The following RALYL variants were observed in gnomAD, a reference collection of about 807,000 sequenced individuals.
RALYL encodes RNA-binding Raly-like protein.
In RALYL, 29 loss-of-function variants were observed where a neutral mutation model predicts 35.1. The ratio of observed to expected loss-of-function variants is 0.83; its 90% CI spans 0.61 to 1.13. RALYL has a LOEUF of 1.13. RALYL is among the 50% of genes most tolerant of loss of function. RALYL has a pLI of 0.00. For synonymous variants in RALYL, 120 were observed against 127.6 expected (o/e 0.94, Z 0.40); for missense variants, 359 against 360.4 (o/e 1.00, Z 0.03).
chr8:84,523,622 A>G (rs1490326963), intron 1 of RALYL, among the ~76,000 whole-genome samples: 19 of 149,322 alleles, frequency 1.3e-4, no homozygotes, highest in African/African-American at 4.4e-4. Context: ...CCACTAACTC[A>G]TCATCTAGCA....
chr8:84,651,214 A>T (rs2131525858), intron 2 of RALYL, among the ~76,000 whole-genome samples: 1 of 152,106 alleles, frequency 6.6e-6, no homozygotes, highest in East Asian at 1.9e-4. Context: ...TAAAACTTAA[A>T]GTATAATAAT....
intron 2 of RALYL, among the ~76,000 whole-genome samples, chr8:84,627,284 CATG>C (rs1041629272): frequency 2.5e-4 from 38 of 151,028 alleles, no homozygotes; most frequent in African/African-American, 9.3e-4. Flanking sequence ...TCTCTTAGAC[CATG>C]ATAATTTTCC....
intron 1 of RALYL, among the ~76,000 whole-genome samples, chr8:84,460,606 G>A (rs1373056193): frequency 6.6e-6 from 1 of 151,604 alleles, no homozygotes; most frequent in Non-Finnish European, 1.5e-5. Context: ...AGGGGGAAAA[G>A]CCTATATATG....
chr8:84,445,402 A>G (rs2048745752), intron 1 of RALYL, among the ~76,000 whole-genome samples: 1 of 151,998 alleles, frequency 6.6e-6, no homozygotes, highest in African/African-American at 2.4e-5. Flanking sequence ...TTAGAAGGAT[A>G]TCTAATATAT....
intron 2 of RALYL, among the ~76,000 whole-genome samples, chr8:84,661,010 G>A (rs1004860169): frequency 6.6e-6 from 1 of 151,818 alleles, no homozygotes; most frequent in Non-Finnish European, 1.5e-5. Context: ...CTCACTGCAA[G>A]CTCTGCCTCC....
chr8:84,357,269 A>G (rs570337937), intron 1 of RALYL, among the ~76,000 whole-genome samples: 1 of 152,216 alleles, frequency 6.6e-6, no homozygotes, highest in African/African-American at 2.4e-5. Flanking sequence ...TATAATTTAC[A>G]TACTATACAT....
intron 3 of RALYL, among the ~76,000 whole-genome samples, chr8:84,782,686 C>A (rs75787070): frequency 6.6e-6 from 1 of 152,124 alleles, no homozygotes; most frequent in Non-Finnish European, 1.5e-5. Flanking sequence ...TGGGGTATTG[C>A]GGTTAGAGCA....
chr8:84,700,282 A>G (rs1418725572), intron 2 of RALYL, among the ~76,000 whole-genome samples: 2 of 152,156 alleles, frequency 1.3e-5, no homozygotes, highest in Non-Finnish European at 2.9e-5. Flanking sequence ...AAGGATAAAC[A>G]TTTTAACTGT....
intron 1 of RALYL, among the ~76,000 whole-genome samples, chr8:84,392,528 A>T (rs1463745597): frequency 6.6e-6 from 1 of 152,090 alleles, no homozygotes; most frequent in Admixed American, 6.6e-5. Context: ...TAAAATATTT[A>T]AAAATACATC....
intron 1 of RALYL, among the ~76,000 whole-genome samples, chr8:84,339,955 C>A (rs1848493993): frequency 6.6e-6 from 1 of 152,046 alleles, no homozygotes; most frequent in Non-Finnish European, 1.5e-5. Context: ...GGGAGGGACC[C>A]AATGGAAGGT....
At chr8:84,345,581 A>C (rs1005315245) in intron 1 of RALYL, among the ~76,000 whole-genome samples, 1 of 152,068 alleles carries the variant, frequency 6.6e-6, no homozygotes, top group Non-Finnish European at 1.5e-5. Context: ...CTTCAAAAGA[A>C]AATCTAAACT....
intron 1 of RALYL, among the ~76,000 whole-genome samples, chr8:84,335,949 A>T (rs919485897): frequency 1.3e-5 from 2 of 152,082 alleles, no homozygotes; most frequent in Non-Finnish European, 2.9e-5. Flanking sequence ...GAGAAAAACA[A>T]ATGAAGAAAA....
chr8:84,553,322 C>T (rs370357011), intron 2 of RALYL, among the ~76,000 whole-genome samples: 9 of 152,278 alleles, frequency 5.9e-5, no homozygotes, highest in African/African-American at 2.2e-4. Context: ...CTGCCATGCC[C>T]AGATAATTTT....
At chr8:84,734,206 T>C (rs549911454) in intron 2 of RALYL, among the ~76,000 whole-genome samples, 170 of 152,296 alleles carry the variant, frequency 1.1e-3, no homozygotes, top group African/African-American at 4.0e-3. Context: ...TTTCTATTCC[T>C]GTTGTGCATA....
At chr8:84,267,262 TC>T (rs1833509505) in intron 1 of RALYL, among the ~76,000 whole-genome samples, 1 of 152,156 alleles carries the variant, frequency 6.6e-6, no homozygotes, top group Admixed American at 6.5e-5. Context: ...TTCCTGAGAA[TC>T]CCTCAAAATA....
chr8:84,614,947 T>G lies in RALYL; in HGVS notation c.256+85370T>G, dbSNP rs1237838298. Among the ~76,000 whole-genome samples, 3 of 151,760 alleles carry G rather than the reference T, an allele frequency of 2.0e-5. No homozygotes were observed. In the East Asian group the frequency reaches 5.8e-4, roughly 29 times the overall value. ...TTACGACCTCAATAAAATATCTTCC[T>G]GAAACCTGCCCTTGAGGAATGATGG... is the stretch of plus-strand genomic sequence containing the variant. On this transcript the variant is annotated intron_variant, in intron 2 of 8. Coordinates refer to ENST00000521268, the MANE Select transcript of RALYL (RefSeq NM_173848.7).
At chr8:84,902,345 G>T (rs1180066451) in intron 8 of RALYL, among the ~76,000 whole-genome samples, 1 of 152,152 alleles carries the variant, frequency 6.6e-6, no homozygotes, top group Non-Finnish European at 1.5e-5. Context: ...TCACCATTGT[G>T]AGAACAGCAC....
intron 1 of RALYL, among the ~76,000 whole-genome samples, chr8:84,485,655 G>T (rs2054534570): frequency 6.6e-6 from 1 of 152,090 alleles, no homozygotes; most frequent in African/African-American, 2.4e-5. Flanking sequence ...TCTCTCAGTT[G>T]ATGGCAATTC....
chr8:84,469,216 T>G (rs564821783), intron 1 of RALYL, among the ~76,000 whole-genome samples: 4,837 of 152,104 alleles, frequency 0.032, 132 homozygotes, highest in African/African-American at 0.072. Flanking sequence ...GAGGAGAGGC[T>G]CTCTGCTTTT....
Sources: gnomAD v4.1 joint callset for allele counts (sites outside exome capture counted in the v4.1 genomes callset) on GRCh38, gnomAD v4.1.1 for gene constraint, MANE v1.5 for transcripts, NCBI Gene and HGNC (gene_info 2026-07-23, HGNC 2026-07-21) for gene names.